ARHGEF17: variants seen among roughly 807,000 people sequenced by gnomAD.
ARHGEF17 encodes 164 kDa Rho-specific guanine-nucleotide exchange factor.
A neutral mutation model predicts 174.0 loss-of-function variants in ARHGEF17; 80 were observed. That is an observed-to-expected ratio of 0.46 (90% CI 0.38 to 0.55). ARHGEF17 has a LOEUF of 0.55. Among genes scored for constraint, ARHGEF17 ranks in the 20% least tolerant of loss-of-function variants. The probability of loss-of-function intolerance (pLI) is 0.00; values close to 1 mark genes in which losing one functional copy is unlikely to be tolerated. For missense variants in ARHGEF17, 2,886 were observed against 2,839.7 expected, an observed-to-expected ratio of 1.02 and a Z score of -0.37; for synonymous variants, 1,311 against 1,189.1, an observed-to-expected ratio of 1.10 and a Z score of -2.11.
chr11:73,341,368 G>A (rs563424436), intron 1 of ARHGEF17, among the ~76,000 whole-genome samples: 23 of 152,214 alleles, frequency 1.5e-4, no homozygotes, highest in African/African-American at 4.3e-4. Flanking sequence ...TCAGCTCACC[G>A]CAACCTCAGC....
intron 1 of ARHGEF17, among the ~76,000 whole-genome samples, chr11:73,321,322 A>G (rs773794409): frequency 1.3e-5 from 2 of 152,198 alleles, no homozygotes; most frequent in Non-Finnish European, 2.9e-5. Flanking sequence ...AGGATAGCTC[A>G]GCCCACACGG....
At chr11:73,316,512 G>A (rs1279844245) in intron 1 of ARHGEF17, among the ~76,000 whole-genome samples, 1 of 152,196 alleles carries the variant, frequency 6.6e-6, no homozygotes, top group Non-Finnish European at 1.5e-5. Context: ...GATCAGGAAT[G>A]CCTGTCTGAG....
Position 73,367,921 on chromosome 11 carries a change from G to A in ARHGEF17, c.*141G>A, listed in dbSNP as rs540069244. ...TGCGTGGGCTCTGCCTTGTCTTCGC[G>A]GAAGCATTCCTGATGGAACACCCAC... On this transcript the variant is annotated 3_prime_UTR_variant, in exon 21 of 21. Coordinates refer to ENST00000263674, the MANE Select transcript of ARHGEF17 (RefSeq NM_014786.4). 52 of 897,072 alleles carry A rather than the reference G, an allele frequency of 5.8e-5. No homozygotes were observed. The highest frequency in any genetic ancestry group is 1.4e-4 in the East Asian group (5 of 36,420). The allele number at this position is 897,072 out of a possible 1,614,324, so 55.6% of individuals were successfully genotyped here. A position where few individuals can be genotyped will look rare whatever the true frequency, so the allele number is the denominator to read the frequency against.
Position 73,364,483 on chromosome 11 carries a change from A to G in ARHGEF17, c.5433A>G (p.Ser1811=), listed in dbSNP as rs549509327. Residue 1811 remains serine, a synonymous_variant, in exon 18 of 21, where the codon TCA becomes TCG. Coordinates refer to ENST00000263674, the MANE Select transcript of ARHGEF17 (RefSeq NM_014786.4). The part of the protein sequence containing the change: ...GHFWDPQNFK[S]VTLGTQGSPI... ...TCTGGGACCCCCAGAACTTCAAATC[A>G]GTGACCTTGGGCACCCAGGGGAGCC... 5 of 1,613,378 alleles carry G rather than the reference A, an allele frequency of 3.1e-6. No homozygotes were observed. In the South Asian group the frequency reaches 3.3e-5, roughly 11 times the overall value.
chr11:73,308,911 G>T lies in ARHGEF17; in HGVS notation c.273G>T (p.Ala91=), dbSNP rs751985009. The T allele has an allele frequency of 2.2e-6, 3 of 1,361,794 alleles. No homozygotes were observed. Among genetic ancestry groups the T allele is most frequent in the South Asian group, 1.8e-5 (1 of 57,134 alleles). The allele number at this position is 1,361,794 out of a possible 1,614,324, so 84.4% of individuals were successfully genotyped here. ...SVRQLSRRFD[A]PRLDDGSAGT... ...GCCAGCTCTCCCGGCGCTTCGACGC[G>T]CCGCGTCTGGACGACGGCTCCGCTG... Residue 91 remains alanine (A), a synonymous_variant, in exon 1 of 21, where the codon GCG becomes GCT. Transcript: ENST00000263674.
chr11:73,308,596 G>A lies in ARHGEF17; in HGVS notation c.-43G>A. ...AGTGGGGGCGCAGGGGGGGTTGGCCGCGGCTGCCCGAGGCCAGCCCCCCCG... is the reference window on the plus strand; with the variant it reads ...AGTGGGGGCGCAGGGGGGGTTGGCCACGGCTGCCCGAGGCCAGCCCCCCCG... On this transcript the variant is annotated 5_prime_UTR_variant, in exon 1 of 21. Coordinates refer to ENST00000263674, the MANE Select transcript of ARHGEF17 (RefSeq NM_014786.4). 2 of 1,387,350 alleles carry A rather than the reference G, an allele frequency of 1.4e-6. No individual in the cohort carries two copies. The highest frequency in any genetic ancestry group is 2.6e-4 in the Middle Eastern group (1 of 3,904). The allele number at this position is 1,387,350 out of a possible 1,614,324, so 85.9% of individuals were successfully genotyped here.
At position 73,327,732 on chromosome 11, in the gene ARHGEF17, G is replaced by A. The variant is rs1201335606; in HGVS notation, c.3192+15902G>A. Reference sequence around the variant, plus strand: ...GCAGCCAGACCGTGGTAAAGGTGGGGAAATTTGATGCTGGTGAGTCAGCAA... The same window carrying A: ...GCAGCCAGACCGTGGTAAAGGTGGGAAAATTTGATGCTGGTGAGTCAGCAA... On this transcript the variant is annotated intron_variant, in intron 1 of 20. Coordinates refer to ENST00000263674, the MANE Select transcript of ARHGEF17 (RefSeq NM_014786.4). Among the ~76,000 whole-genome samples the A allele has an allele frequency of 5.9e-5, 9 of 152,144 alleles. No individual in the cohort carries two copies. The East Asian group carries it at 1.7e-3, about 29-fold the overall frequency.
chr11:73,354,373 A>G (rs560741912), intron 3 of ARHGEF17, among the ~76,000 whole-genome samples: 1 of 152,282 alleles, frequency 6.6e-6, no homozygotes, highest in East Asian at 1.9e-4. Context: ...TTGCTTCTTC[A>G]CACCCTGCCC....
intron 18 of ARHGEF17, 73 bp downstream of exon 18, chr11:73,364,673 A>G (rs894536241): frequency 2.0e-6 from 3 of 1,532,562 alleles, no homozygotes; most frequent in African/African-American, 1.4e-5. Flanking sequence ...GATGGAGACC[A>G]TGGTAGGGGC....
At chr11:73,358,269 T>C (rs921451234) in intron 9 of ARHGEF17, among the ~76,000 whole-genome samples, 4 of 152,264 alleles carry the variant, frequency 2.6e-5, no homozygotes, top group South Asian at 4.1e-4. Context: ...TTGCTCACCG[T>C]TGAGGAGGCT....
rs1437728710 is a variant in ARHGEF17, at chr11:73,359,921, A to G, written c.4175A>G (p.Lys1392Arg). The change falls in exon 10 of 21, where the codon AAG (lysine) becomes AGG (arginine). Residue 1392 changes from lysine to arginine, a missense_variant. Coordinates refer to ENST00000263674, the MANE Select transcript of ARHGEF17 (RefSeq NM_014786.4). ...CTCACCACCCTGGGCCAAATGAGCA[A>G]GCTCTCTGAGAGCCTTGGTTTCCCC... The part of the protein sequence containing the change: ...EDLTTLGQMS[K>R]LSESLGFPHQ... 4 of 1,612,628 alleles carry G rather than the reference A, an allele frequency of 2.5e-6. No individual in the cohort carries two copies. In the South Asian group the frequency reaches 3.3e-5, roughly 13 times the overall value.
chr11:73,308,652 C>A lies in ARHGEF17; in HGVS notation c.14C>A (p.Ala5Glu), dbSNP rs1228445436. MADG[A>E]PRPQLYRSVS... ...AGTTACGCCACTATGGCGGACGGGG[C>A]ACCCCGGCCCCAGCTTTACCGCAGC... is the stretch of plus-strand genomic sequence containing the variant. Residue 5 changes from alanine to glutamate, a missense_variant, in exon 1 of 21, where the codon GCA becomes GAA. Around this residue, in one of 4 missense-constraint regions of ARHGEF17, gnomAD observed 1,728 missense variants for 1,461.2 expected, o/e 1.18. Coordinates refer to ENST00000263674, the MANE Select transcript of ARHGEF17 (RefSeq NM_014786.4). 2 of 1,503,196 alleles carry A rather than the reference C, an allele frequency of 1.3e-6. No individual in the cohort carries two copies. Among genetic ancestry groups the A allele is most frequent in the African/African-American group, 1.5e-5 (1 of 68,468 alleles). The allele number at this position is 1,503,196 out of a possible 1,614,324, so 93.1% of individuals were successfully genotyped here. A position where few individuals can be genotyped will look rare whatever the true frequency, so the allele number is the denominator to read the frequency against.
At chr11:73,359,991 G>A (rs367670776) in intron 10 of ARHGEF17, 39 bp downstream of exon 10, 12 of 1,528,478 alleles carry the variant, frequency 7.9e-6, no homozygotes, top group Non-Finnish European at 1.1e-5. Context: ...GCCAGAGGGT[G>A]GGAGGCTTCT....
chr11:73,362,586 C>G lies in ARHGEF17; in HGVS notation c.4848C>G (p.Gly1616=). ...PCLHISIAGS[G]LEMTPGLGEG... Reference sequence around the variant, plus strand: ...TTCACATCTCCATTGCAGGCTCGGGCTTGGAGATGACGCCGGGCCTCGGCG... The same window carrying G: ...TTCACATCTCCATTGCAGGCTCGGGGTTGGAGATGACGCCGGGCCTCGGCG... The change falls in exon 14 of 21, where the codon GGC becomes GGG. Residue 1616 remains glycine (G), a synonymous_variant. Transcript: ENST00000263674. 1 of 1,610,478 alleles carries G rather than the reference C, an allele frequency of 6.2e-7. No homozygotes were observed. Among genetic ancestry groups the G allele is most frequent in the Non-Finnish European group, 8.5e-7 (1 of 1,179,888 alleles).
intron 15 of ARHGEF17, 130 bp downstream of exon 15, chr11:73,363,585 A>G (rs1171018906): frequency 1.0e-5 from 15 of 1,502,474 alleles, no homozygotes; most frequent in Admixed American, 1.9e-5. Context: ...CTGACCAGGG[A>G]TGTCAGTGGG....
Position 73,346,979 on chromosome 11 carries a change from T to C in ARHGEF17, c.3270+19T>C. On this transcript the variant is annotated intron_variant, in intron 2 of 20. Transcript: ENST00000263674. The stretch of plus-strand genomic sequence containing the variant: ...GATGCAGGTGGGGCTCGGGGCCCAC[T>C]CCCCTGAGAATGGCCTTTCTGAGCC... The C allele has an allele frequency of 6.3e-7, 1 of 1,585,736 alleles. No homozygotes were observed. Among genetic ancestry groups the C allele is most frequent in the Non-Finnish European group, 8.6e-7 (1 of 1,162,746 alleles).
Position 73,310,081 on chromosome 11 carries a change from C to A in ARHGEF17, c.1443C>A (p.Asp481Glu). The change falls in exon 1 of 21, where the codon GAC becomes GAA. Residue 481 changes from aspartate (D) to glutamate (E), a missense_variant. Physicochemically the swap from Asp to Glu is conservative, Grantham distance 45 (BLOSUM62 2). Around this residue, in one of 4 missense-constraint regions of ARHGEF17, gnomAD observed 1,728 missense variants for 1,461.2 expected, o/e 1.18. Coordinates refer to ENST00000263674, the MANE Select transcript of ARHGEF17 (RefSeq NM_014786.4). ...TLTLLSFLRS[D>E]LSELRVRKPG... ...CGCTTCTCAGTTTCCTGCGCTCAGA[C>A]CTTTCAGAGCTGAGGGTCCGAAAAC... The A allele has an allele frequency of 6.2e-7, 1 of 1,614,180 alleles. No homozygotes were observed. The highest frequency in any genetic ancestry group is 1.1e-5 in the South Asian group (1 of 91,084).
chr11:73,360,671 C>A, intron 11 of ARHGEF17, 138 bp downstream of exon 11: 1 of 867,406 alleles, frequency 1.2e-6, no homozygotes, highest in Non-Finnish European at 1.8e-6. Context: ...GGGAGGGGGG[C>A]TTCTGCAGTG....
Position 73,310,753 on chromosome 11 carries a change from C to T in ARHGEF17, c.2115C>T (p.Ala705=), listed in dbSNP as rs139620086. ...CTGAGACCCCTCCCACACCAGGTGC[C>T]CTCCGCCGACGACGCAAAGTCCCAC... ...VSPETPPTPG[A]LRRRRKVPPS... is the part of the protein sequence containing the mutation. Residue 705 remains alanine, a synonymous_variant, in exon 1 of 21, where the codon GCC becomes GCT. Transcript: ENST00000263674. The T allele has an allele frequency of 4.8e-5, 78 of 1,611,382 alleles. No individual in the cohort carries two copies. The Middle Eastern group carries it at 1.5e-3, about 31-fold the overall frequency.
Sources: gnomAD v4.1 joint callset for allele counts (sites outside exome capture counted in the v4.1 genomes callset) on GRCh38, gnomAD v4.1.1 for gene constraint, gnomAD v4.1.1 regional missense constraint, MANE v1.5 for transcripts, NCBI Gene and HGNC (gene_info 2026-07-23, HGNC 2026-07-21) for gene names.